CLNK: variants seen among roughly 807,000 people sequenced by gnomAD.
The protein encoded by CLNK is cytokine-dependent hematopoietic cell linker.
A neutral mutation model predicts 68.6 loss-of-function variants in CLNK; 74 were observed. That is an observed-to-expected ratio of 1.08 (90% CI 0.89 to 1.31). The LOEUF is 1.31. Among genes scored for constraint, CLNK ranks in the 50% most tolerant of loss-of-function variants. The pLI is 0.00. For synonymous variants in CLNK, 198 were observed against 172.2 expected, an observed-to-expected ratio of 1.15 and a Z score of -1.17; for missense variants, 553 against 515.3, an observed-to-expected ratio of 1.07 and a Z score of -0.71.
the CLNK span, among the ~76,000 whole-genome samples, chr4:10,733,869 C>T: frequency 3.9e-5 from 6 of 152,238 alleles, no homozygotes; most frequent in African/African-American, 1.4e-4. Flanking sequence ...CCTGCATATC[C>T]ATCATACATA....
At chr4:10,731,560 A>T in the CLNK span, among the ~76,000 whole-genome samples, 1 of 152,230 alleles carries the variant, frequency 6.6e-6, no homozygotes, top group African/African-American at 2.4e-5. Context: ...ATCTGTTAAG[A>T]TATTTTGTTA....
chr4:10,730,152 C>T, the CLNK span, among the ~76,000 whole-genome samples: 4 of 152,182 alleles, frequency 2.6e-5, no homozygotes, highest in Admixed American at 2.0e-4. Flanking sequence ...TTCTGGGCAC[C>T]TACCTGGCAA....
intron 2 of CLNK, among the ~76,000 whole-genome samples, chr4:10,663,963 A>C (rs1372214683): frequency 6.6e-6 from 1 of 152,202 alleles, no homozygotes; most frequent in Admixed American, 6.5e-5. Flanking sequence ...CTCACCAGAC[A>C]CTAAATCTGC....
chr4:10,524,178 A>G (rs185366545), intron 14 of CLNK, among the ~76,000 whole-genome samples: 1 of 152,212 alleles, frequency 6.6e-6, no homozygotes, highest in East Asian at 1.9e-4. Flanking sequence ...TAAACACCAG[A>G]CAGTCCCCAA....
chr4:10,721,179 AGGAGGGAGTTGG>A, the CLNK span, among the ~76,000 whole-genome samples: 2 of 41,786 alleles, frequency 4.8e-5, no homozygotes, highest in African/African-American at 2.0e-4. Context: ...GGGGGCTCTG[AGGAGGGAGTTGG>A]GGGCTGGAGG....
At chr4:10,623,878 T>C (rs1722554793) in intron 2 of CLNK, among the ~76,000 whole-genome samples, 1 of 152,230 alleles carries the variant, frequency 6.6e-6, no homozygotes. Context: ...ATGTCTTCTC[T>C]TAAACGGTAA....
intron 3 of CLNK, among the ~76,000 whole-genome samples, chr4:10,585,887 G>C (rs1417784661): frequency 6.6e-6 from 1 of 152,126 alleles, no homozygotes; most frequent in Non-Finnish European, 1.5e-5. Context: ...CTACCTCAGT[G>C]GTCCTCAACC....
intron 1 of CLNK, among the ~76,000 whole-genome samples, chr4:10,682,094 T>C (rs1725112419): frequency 6.6e-6 from 1 of 150,510 alleles, no homozygotes; most frequent in African/African-American, 2.4e-5. Flanking sequence ...AAATTGGTCC[T>C]ATGATAGCTC....
intron 12 of CLNK, among the ~76,000 whole-genome samples, chr4:10,531,102 C>G (rs1718518472): frequency 1.3e-5 from 2 of 152,312 alleles, no homozygotes; most frequent in South Asian, 4.1e-4. Flanking sequence ...ACATTCACGT[C>G]TACTATATAG....
chr4:10,536,716 T>A (rs57369278), intron 11 of CLNK, among the ~76,000 whole-genome samples: 8,027 of 152,058 alleles, frequency 0.053, 368 homozygotes, highest in East Asian at 0.18. Context: ...AGAGAAAATA[T>A]AATTACTCTC....
At chr4:10,681,977 A>C (rs1488053851) in intron 1 of CLNK, among the ~76,000 whole-genome samples, 1 of 152,230 alleles carries the variant, frequency 6.6e-6, no homozygotes, top group Non-Finnish European at 1.5e-5. Context: ...GTAACCTGTA[A>C]GTCATTGCTC....
Position 10,598,041 on chromosome 4 carries a change from C to A in CLNK, c.20G>T (p.Arg7Ile). 1 of 1,582,634 alleles carries A rather than the reference C, an allele frequency of 6.3e-7. No individual in the cohort carries two copies. The highest frequency in any genetic ancestry group is 2.3e-5 in the East Asian group (1 of 44,104). The change falls in exon 3 of 19, where the codon AGA becomes ATA. Residue 7 changes from arginine to isoleucine, a missense_variant. By Grantham distance (97) the Arg-to-Ile change is moderately conservative (BLOSUM62 -3). Coordinates refer to ENST00000226951, the MANE Select transcript of CLNK (RefSeq NM_052964.4). Reference protein sequence around the residue: MNRQGNRKTTKEGSNDL... With the variant: MNRQGNIKTTKEGSNDL... Reference sequence around the variant, plus strand: ...GTTGGATCCTTCTTTAGTTGTCTTTCTATTGCCCCTGGGATGAAAGAAAAT... The same window carrying A: ...GTTGGATCCTTCTTTAGTTGTCTTTATATTGCCCCTGGGATGAAAGAAAAT...
chr4:10,505,973 A>T (rs1330310242), intron 17 of CLNK, among the ~76,000 whole-genome samples: 1 of 152,138 alleles, frequency 6.6e-6, no homozygotes, highest in African/African-American at 2.4e-5. Context: ...TAGATCTATC[A>T]TTTATTCACT....
At chr4:10,587,166 A>T (rs1721000286) in intron 3 of CLNK, among the ~76,000 whole-genome samples, 1 of 152,082 alleles carries the variant, frequency 6.6e-6, no homozygotes, top group Non-Finnish European at 1.5e-5. Flanking sequence ...AGGTTTCACC[A>T]TGTTGGCCAG....
At chr4:10,678,650 C>CT (rs1426529589) in intron 1 of CLNK, among the ~76,000 whole-genome samples, 2 of 152,140 alleles carry the variant, frequency 1.3e-5, no homozygotes, top group African/African-American at 4.8e-5. Flanking sequence ...CCAAAATCTC[C>CT]TTAAGCTGAT....
intron 10 of CLNK, among the ~76,000 whole-genome samples, 192 bp downstream of exon 10, chr4:10,541,830 T>C (rs970251661): frequency 5.3e-5 from 8 of 151,680 alleles, no homozygotes; most frequent in Admixed American, 2.6e-4. Context: ...AATGATTAAA[T>C]AGATGAATGA....
chr4:10,673,019 A>T (rs1257392742), intron 1 of CLNK, among the ~76,000 whole-genome samples: 1 of 152,202 alleles, frequency 6.6e-6, no homozygotes, highest in Non-Finnish European at 1.5e-5. Flanking sequence ...GAATGTTTTT[A>T]AAAAACCTAT....
chr4:10,626,278 G>C (rs962440832), intron 2 of CLNK, among the ~76,000 whole-genome samples: 1 of 152,216 alleles, frequency 6.6e-6, no homozygotes, highest in Admixed American at 6.5e-5. Flanking sequence ...TCACCAGGAT[G>C]CCTGGATTTT....
At chr4:10,503,769 A>C (rs1433477996) in intron 17 of CLNK, among the ~76,000 whole-genome samples, 1 of 130,752 alleles carries the variant, frequency 7.6e-6, no homozygotes, top group African/African-American at 2.8e-5. Context: ...TTTCATTTAG[A>C]GACTTTTTTT....
Sources: gnomAD v4.1 joint callset for allele counts (sites outside exome capture counted in the v4.1 genomes callset) on GRCh38, gnomAD v4.1.1 for gene constraint, MANE v1.5 for transcripts, NCBI Gene and HGNC (gene_info 2026-07-23, HGNC 2026-07-21) for gene names.